Variants in KCTD8 observed in about 807,000 individuals in gnomAD.
KCTD8 encodes potassium channel tetramerization domain containing 8.
Under a neutral mutation model 31.5 loss-of-function variants are expected in KCTD8, and 27 were observed. That is an observed-to-expected ratio of 0.86 (90% CI 0.63 to 1.18). The LOEUF (loss-of-function observed/expected upper bound fraction) is 1.18, where lower values mean the gene tolerates loss of function less well. Among genes scored for constraint, KCTD8 ranks in the 50% most tolerant of loss-of-function variants. The pLI is 0.00. For synonymous variants in KCTD8, 290 were observed against 280.0 expected (o/e 1.04, Z -0.36); for missense variants, 658 against 647.7 (o/e 1.02, Z -0.17).
chr4:44,254,892 C>T (rs1271319726), intron 1 of KCTD8, among the ~76,000 whole-genome samples: 3 of 151,702 alleles, frequency 2.0e-5, no homozygotes, highest in Admixed American at 2.0e-4. Context: ...TCTATCTGGG[C>T]TTATTTTTGT....
chr4:44,336,361 G>A (rs56276101), intron 1 of KCTD8, among the ~76,000 whole-genome samples: 1 of 151,370 alleles, frequency 6.6e-6, no homozygotes, highest in African/African-American at 2.4e-5. Flanking sequence ...CATCTTCACA[G>A]AATTGAAAAT....
intron 1 of KCTD8, among the ~76,000 whole-genome samples, chr4:44,426,021 G>GA (rs1328957057): frequency 2.9e-4 from 44 of 150,342 alleles, no homozygotes; most frequent in South Asian, 1.0e-3. Flanking sequence ...AGAGGAATTT[G>GA]AAAAAAAAGT....
At chr4:44,179,250 C>A (rs1044412424) in intron 1 of KCTD8, among the ~76,000 whole-genome samples, 28 of 151,498 alleles carry the variant, frequency 1.8e-4, no homozygotes, top group Admixed American at 3.9e-4. Context: ...TTTCCAATGA[C>A]AAATAATATG....
chr4:44,300,564 A>G (rs1221692687), intron 1 of KCTD8, among the ~76,000 whole-genome samples: 2 of 152,308 alleles, frequency 1.3e-5, no homozygotes, highest in Admixed American at 6.5e-5. Flanking sequence ...ATATTCTATT[A>G]AAAGGTTACA....
At chr4:44,185,894 C>A (rs917602108) in intron 1 of KCTD8, among the ~76,000 whole-genome samples, 1 of 152,098 alleles carries the variant, frequency 6.6e-6, no homozygotes, top group South Asian at 2.1e-4. Context: ...AACACACACA[C>A]AAAACACATA....
intron 1 of KCTD8, among the ~76,000 whole-genome samples, chr4:44,313,107 G>A (rs1718002303): frequency 6.6e-6 from 1 of 152,128 alleles, no homozygotes; most frequent in South Asian, 2.1e-4. Flanking sequence ...GCCCTGCTGT[G>A]CCCAGAGAAG....
intron 1 of KCTD8, 128 bp from the exon 2 acceptor site, chr4:44,175,378 T>G: frequency 1.7e-6 from 1 of 592,982 alleles, no homozygotes; most frequent in Non-Finnish European, 2.8e-6. Context: ...ATGGTGCATA[T>G]TGTACTAGTC....
Position 44,447,983 on chromosome 4 carries a change from C to G in KCTD8, c.541G>C (p.Gly181Arg), listed in dbSNP as rs1406164779. 1 of 1,545,122 alleles carries G rather than the reference C, an allele frequency of 6.5e-7. No homozygotes were observed. Among genetic ancestry groups the G allele is most frequent in the Non-Finnish European group, 8.7e-7 (1 of 1,145,000 alleles). The change falls in exon 1 of 2, where the codon GGG becomes CGG. Residue 181 changes from glycine (G) to arginine (R), a missense_variant. By Grantham distance (125) the Gly-to-Arg change is moderately radical. Transcript: ENST00000360029. ...QGSSDALLLR[G>R]AAAAVPSGPG... is the part of the protein sequence containing the mutation. ...CCCGAGGGCACGGCGGCCGCCGCCC[C>G]GCGCAGCAGCAGCGCGTCGCTGCTA...
chr4:44,438,079 G>A (rs982652618), intron 1 of KCTD8, among the ~76,000 whole-genome samples: 1 of 152,068 alleles, frequency 6.6e-6, no homozygotes, highest in East Asian at 1.9e-4. Context: ...GACATGCTAG[G>A]TGCAGACTCA....
At chr4:44,290,729 T>G (rs1458762374) in intron 1 of KCTD8, among the ~76,000 whole-genome samples, 1 of 151,896 alleles carries the variant, frequency 6.6e-6, no homozygotes, top group Non-Finnish European at 1.5e-5. Context: ...AGCAACAAAA[T>G]TAAAGCCGAG....
At chr4:44,232,490 A>AT (rs1715151342) in intron 1 of KCTD8, among the ~76,000 whole-genome samples, 1 of 152,182 alleles carries the variant, frequency 6.6e-6, no homozygotes, top group African/African-American at 2.4e-5. Context: ...TAATAGGGCT[A>AT]TACAAGTCAT....
At chr4:44,359,290 T>A (rs1026219229) in intron 1 of KCTD8, among the ~76,000 whole-genome samples, 1 of 152,134 alleles carries the variant, frequency 6.6e-6, no homozygotes, top group African/African-American at 2.4e-5. Context: ...GTTTTTTTTT[T>A]AACACTGTTG....
At chr4:44,310,373 T>A (rs971818804) in intron 1 of KCTD8, among the ~76,000 whole-genome samples, 2 of 151,986 alleles carry the variant, frequency 1.3e-5, no homozygotes, top group African/African-American at 2.4e-5. Flanking sequence ...AGTGCTGCAA[T>A]AAAAATGGGA....
chr4:44,237,431 G>A (rs1413270708), intron 1 of KCTD8, among the ~76,000 whole-genome samples: 1 of 152,158 alleles, frequency 6.6e-6, no homozygotes, highest in African/African-American at 2.4e-5. Context: ...TTTGGGAGTT[G>A]GGAATGGGTG....
chr4:44,385,803 T>A (rs1308270547), intron 1 of KCTD8, among the ~76,000 whole-genome samples: 1 of 151,552 alleles, frequency 6.6e-6, no homozygotes, highest in African/African-American at 2.4e-5. Context: ...AAATCATGTA[T>A]CTGAAAAGGT....
At chr4:44,367,882 A>AT (rs974780961) in intron 1 of KCTD8, among the ~76,000 whole-genome samples, 2 of 151,970 alleles carry the variant, frequency 1.3e-5, no homozygotes, top group Non-Finnish European at 2.9e-5. Context: ...GGACCAAAAA[A>AT]AAAAAATGAA....
intron 1 of KCTD8, among the ~76,000 whole-genome samples, chr4:44,365,904 G>A (rs74326185): frequency 6.6e-6 from 1 of 152,042 alleles, no homozygotes; most frequent in Non-Finnish European, 1.5e-5. Context: ...ATAAATTATG[G>A]TCACACATTA....
intron 1 of KCTD8, among the ~76,000 whole-genome samples, chr4:44,437,190 GGA>G (rs1333542009): frequency 1.3e-5 from 2 of 152,032 alleles, no homozygotes; most frequent in Non-Finnish European, 2.9e-5. Flanking sequence ...GCAGAGGCAA[GGA>G]GAGTATACAC....
intron 1 of KCTD8, among the ~76,000 whole-genome samples, chr4:44,433,235 A>G (rs1049356368): frequency 6.6e-6 from 1 of 151,790 alleles, no homozygotes; most frequent in Non-Finnish European, 1.5e-5. Flanking sequence ...TGGAGTCATT[A>G]CCTATATCTT....
Sources: gnomAD v4.1 joint callset for allele counts (sites outside exome capture counted in the v4.1 genomes callset) on GRCh38, gnomAD v4.1.1 for gene constraint, MANE v1.5 for transcripts, NCBI Gene and HGNC (gene_info 2026-07-23, HGNC 2026-07-21) for gene names.